KLHL28: variants seen among roughly 807,000 people sequenced by gnomAD.
KLHL28 encodes kelch like family member 28.
KLHL28 carries 22 observed loss-of-function variants against 48.3 expected under a neutral mutation model. The observed-to-expected ratio is 0.46, with a 90% confidence interval of 0.33 to 0.65. KLHL28 has a LOEUF of 0.65. Among genes scored for constraint, KLHL28 ranks in the 30% least tolerant of loss-of-function variants. The pLI is 0.03. For missense variants in KLHL28, 527 were observed against 704.3 expected, an observed-to-expected ratio of 0.75 and a Z score of 2.85; for synonymous variants, 243 against 242.4, an observed-to-expected ratio of 1.00 and a Z score of -0.02.
At position 44,945,369 on chromosome 14, in the gene KLHL28, T is replaced by C. The variant is rs151146395; in HGVS notation, c.560A>G (p.Asn187Ser). 5.1e-5 allele frequency: 83 copies of C among 1,614,044 alleles called. No individual in the cohort carries two copies. The highest frequency in any genetic ancestry group is 6.7e-5 in the Non-Finnish European group (79 of 1,180,026). ...THADLDEIVS[N>S]DCLNVATEET... is the part of the protein sequence containing the mutation. ...TTCGGTAGCTACATTCAAACAGTCA[T>C]TGGAAACAATTTCATCCAAGTCAGC... Residue 187 changes from asparagine to serine, a missense_variant, in exon 2 of 5, where the codon AAT becomes AGT. Asn to Ser is a conservative substitution (Grantham distance 46). Coordinates refer to ENST00000396128, the MANE Select transcript of KLHL28 (RefSeq NM_017658.5).
rs1883477367 is a variant in KLHL28, at chr14:44,929,056, C to T, written c.1688G>A (p.Arg563His). Residue 563 changes from arginine (R) to histidine (H), a missense_variant, in exon 5 of 5, where the codon CGC (arginine) becomes CAC (histidine). Coordinates refer to ENST00000396128, the MANE Select transcript of KLHL28 (RefSeq NM_017658.5). ...WLDSAGMIYCRCNFGLTAL is the reference protein window; with the variant it reads ...WLDSAGMIYCHCNFGLTAL ...AAGTGCAGTTAACCCAAAGTTGCAG[C>T]GACAGTATATCATGCCAGCTGAATC... 1.2e-6 allele frequency: 2 copies of T among 1,613,734 alleles called. No individual in the cohort carries two copies. Among genetic ancestry groups the T allele is most frequent in the Non-Finnish European group, 1.7e-6 (2 of 1,179,882 alleles).
chr14:44,941,295 C>A (rs571861283), intron 2 of KLHL28, among the ~76,000 whole-genome samples: 1 of 152,182 alleles, frequency 6.6e-6, no homozygotes, highest in Admixed American at 6.5e-5. Flanking sequence ...CACTTCTAGG[C>A]CCACTGTAAT....
At chr14:44,951,396 G>C (rs1884574311) in intron 1 of KLHL28, among the ~76,000 whole-genome samples, 1 of 152,178 alleles carries the variant, frequency 6.6e-6, no homozygotes, top group Non-Finnish European at 1.5e-5. Context: ...ATACATGCAA[G>C]GTGACCAGAG....
At chr14:44,961,443 G>A (rs1885090997) in intron 1 of KLHL28, among the ~76,000 whole-genome samples, 1 of 152,024 alleles carries the variant, frequency 6.6e-6, no homozygotes, top group South Asian at 2.1e-4. Context: ...TAAAGAAAAC[G>A]CAAAGTGATG....
chr14:44,956,962 C>T (rs1418784142), intron 1 of KLHL28, among the ~76,000 whole-genome samples: 5 of 152,070 alleles, frequency 3.3e-5, no homozygotes, highest in African/African-American at 7.2e-5. Context: ...GAACTACAGG[C>T]GCATGCTACC....
In KLHL28 at chr14:44,945,228, A is replaced by G; in HGVS notation, c.701T>C (p.Leu234Pro). 1 of 1,614,138 alleles carries G rather than the reference A, an allele frequency of 6.2e-7. No individual in the cohort carries two copies. The highest frequency in any genetic ancestry group is 1.3e-5 in the African/African-American group (1 of 75,064). ...ATGATTTGCTTCATATAGTCTAGTG[A>G]GAAACTTAACACTCAACAATGGTAA... Reference protein sequence around the residue: ...VRLPLLSVKFLTRLYEANHLI... With the variant: ...VRLPLLSVKFPTRLYEANHLI... The change falls in exon 2 of 5, where the codon CTC becomes CCC. Residue 234 changes from leucine (L) to proline (P), a missense_variant. Physicochemically the swap from Leu to Pro is moderately conservative, Grantham distance 98. Transcript: ENST00000396128.
intron 1 of KLHL28, among the ~76,000 whole-genome samples, chr14:44,949,786 C>T (rs996897544): frequency 5.9e-5 from 9 of 152,074 alleles, no homozygotes; most frequent in East Asian, 1.9e-4. Flanking sequence ...ATCTGTAGAA[C>T]GTGTTTAACA....
chr14:44,955,709 C>T (rs1213821023), intron 1 of KLHL28, among the ~76,000 whole-genome samples: 1 of 152,142 alleles, frequency 6.6e-6, no homozygotes, highest in African/African-American at 2.4e-5. Context: ...TTGCTTGTGC[C>T]CAGGAGGTCG....
rs1321984115 is a variant in KLHL28, at chr14:44,945,742, T to C, written c.187A>G (p.Met63Val). The C allele has an allele frequency of 1.4e-5, 23 of 1,614,132 alleles. No homozygotes were observed. The highest frequency in any genetic ancestry group is 1.6e-4 in the Middle Eastern group (1 of 6,062). Residue 63 changes from methionine (M) to valine (V), a missense_variant, in exon 2 of 5, where the codon ATG becomes GTG. Coordinates refer to ENST00000396128, the MANE Select transcript of KLHL28 (RefSeq NM_017658.5). ...TTTTCAGAAAGGTTTCCAGTGAACA[T>C]AGCTTTGAAATACGGGCTGACGCTG... ...LASVSPYFKA[M>V]FTGNLSEKEN... is the part of the protein sequence containing the mutation.
Position 44,928,684 on chromosome 14 carries a change from T to TAATAAAAA in KLHL28, c.*343_*344insTTTTTATT, listed in dbSNP as rs1426731502. 1.3e-5 allele frequency: 1 copy of TAATAAAAA among 78,094 alleles called. No homozygotes were observed. The highest frequency in any genetic ancestry group is 4.0e-4 in the East Asian group (1 of 2,502). The allele number at this position is 78,094 out of a possible 1,614,324, so 4.8% of individuals were successfully genotyped here. ...GGTTATCAGGGAAGGAGAGCTAAAA[T>TAATAAAAA]AAAAAAAAAAAAAAAAAAAAAGCAG... is the stretch of plus-strand genomic sequence containing the variant. On this transcript the variant is annotated 3_prime_UTR_variant, in exon 5 of 5. Transcript: ENST00000396128.
rs1322639231 is a variant in KLHL28 at position 44,961,861 on chromosome 14, CA to C, written c.-17del. The C allele has an allele frequency of 1.3e-5, 2 of 152,786 alleles. No homozygotes were observed. The highest frequency in any genetic ancestry group is 2.9e-5 in the Non-Finnish European group (2 of 68,466). 9.5% of individuals were successfully genotyped at this position (152,786 alleles called of 1,614,324 possible). A position where few individuals can be genotyped will look rare whatever the true frequency, so the allele number is the denominator to read the frequency against. On this transcript the variant is annotated 5_prime_UTR_variant, in exon 1 of 5. Transcript: ENST00000396128. ...AGGAAAATACCTGAGTCTCAGTAAT[CA>C]CACGGGCAGCGACAGGAGGAGGAAC...
At chr14:44,930,731 T>C (rs1883550237) in intron 4 of KLHL28, among the ~76,000 whole-genome samples, 1 of 152,174 alleles carries the variant, frequency 6.6e-6, no homozygotes, top group Non-Finnish European at 1.5e-5. Flanking sequence ...CCTAAGCATT[T>C]TGGATAGGAA....
rs1883471826 is a variant in KLHL28 at position 44,928,911 on chromosome 14, T to G, written c.*117A>C. 2 of 886,304 alleles carry G rather than the reference T, an allele frequency of 2.3e-6. No individual in the cohort carries two copies. Among genetic ancestry groups the G allele is most frequent in the Non-Finnish European group, 1.7e-6 (1 of 587,332 alleles). The allele number at this position is 886,304 out of a possible 1,614,324, so 54.9% of individuals were successfully genotyped here. A position where few individuals can be genotyped will look rare whatever the true frequency, so the allele number is the denominator to read the frequency against. On this transcript the variant is annotated 3_prime_UTR_variant, in exon 5 of 5. Transcript: ENST00000396128. ...ACCCAACAAAACTTTTGAGCCTTCA[T>G]GCTACTTCAAGTTAAAAAGAAAGCA...
intron 3 of KLHL28, 61 bp downstream of exon 3, chr14:44,934,054 A>G: frequency 7.5e-7 from 1 of 1,336,364 alleles, no homozygotes; most frequent in South Asian, 1.4e-5. Context: ...CTCAGAAATC[A>G]TTGCTAATGA....
At chr14:44,955,511 AG>A (rs1191925656) in intron 1 of KLHL28, among the ~76,000 whole-genome samples, 1 of 152,128 alleles carries the variant, frequency 6.6e-6, no homozygotes, top group South Asian at 2.1e-4. Flanking sequence ...TCTAAATCCT[AG>A]GTAGTATAAT....
intron 1 of KLHL28, among the ~76,000 whole-genome samples, chr14:44,952,175 A>G (rs1157498337): frequency 2.0e-5 from 3 of 152,138 alleles, no homozygotes; most frequent in Non-Finnish European, 4.4e-5. Context: ...AAATCTTAAA[A>G]TTTTTAATTT....
At chr14:44,940,602 A>G (rs1884028798) in intron 2 of KLHL28, among the ~76,000 whole-genome samples, 1 of 152,192 alleles carries the variant, frequency 6.6e-6, no homozygotes, top group Non-Finnish European at 1.5e-5. Context: ...TCTTAATTAA[A>G]GAAAAAAACT....
chr14:44,930,883 G>A (rs1214929453), intron 4 of KLHL28, among the ~76,000 whole-genome samples: 1 of 152,118 alleles, frequency 6.6e-6, no homozygotes, highest in African/African-American at 2.4e-5. Flanking sequence ...TTGTTTCTAC[G>A]AACTCTGAAA....
rs375542518 is a variant in KLHL28 at position 44,935,852 on chromosome 14, A to G, written c.900-1294T>C. 9.2e-3 allele frequency among the ~76,000 whole-genome samples: 1,102 copies of G among 119,944 alleles called. 6 individuals are homozygous for G. Among genetic ancestry groups the G allele is most frequent in the Middle Eastern group, 0.022 (5 of 228 alleles). 78.7% of individuals were successfully genotyped at this position (119,944 alleles called of 152,430 possible). On this transcript the variant is annotated intron_variant, in intron 2 of 4. Transcript: ENST00000396128. ...ACCCATATACTATATAATCTTTTGC[A>G]TGTATGTATGTGTATGTGTATGTAT...
Sources: gnomAD v4.1 joint callset for allele counts (sites outside exome capture counted in the v4.1 genomes callset) on GRCh38, gnomAD v4.1.1 for gene constraint, MANE v1.5 for transcripts, NCBI Gene and HGNC (gene_info 2026-07-23, HGNC 2026-07-21) for gene names.